Variants in TAF4 observed in about 807,000 individuals in gnomAD.
TAF4 encodes the protein transcription initiation factor TFIID subunit 4.
TAF4 carries 9 observed loss-of-function variants against 90.3 expected under a neutral mutation model. The ratio of observed to expected loss-of-function variants is 0.10; its 90% CI spans 0.06 to 0.17. TAF4 has a LOEUF of 0.17. Among genes scored for constraint, TAF4 ranks in the 10% least tolerant of loss-of-function variants. The pLI is 1.00. For synonymous variants in TAF4, 818 were observed against 638.9 expected, an observed-to-expected ratio of 1.28 and a Z score of -4.23; for missense variants, 1,351 against 1,370.7, an observed-to-expected ratio of 0.99 and a Z score of 0.23.
intron 14 of TAF4, 34 bp from the exon 15 acceptor site, chr20:61,976,369 T>A (rs146372654): frequency 4.4e-6 from 7 of 1,609,128 alleles, no homozygotes; most frequent in Non-Finnish European, 5.1e-6. Flanking sequence ...AGTGTGTTAG[T>A]GGGGCTCAGA....
chr20:61,987,945 T>C (rs1479870390), intron 14 of TAF4, among the ~76,000 whole-genome samples: 1 of 152,172 alleles, frequency 6.6e-6, no homozygotes, highest in Non-Finnish European at 1.5e-5. Context: ...CTCAGGTGGA[T>C]ATTCCTAAAT....
At chr20:62,055,851 T>C (rs1048786641) in intron 1 of TAF4, among the ~76,000 whole-genome samples, 2 of 152,160 alleles carry the variant, frequency 1.3e-5, no homozygotes, top group Non-Finnish European at 2.9e-5. Context: ...GGACACACCA[T>C]GAAAGCAGGG....
intron 5 of TAF4, 29 bp downstream of exon 5, chr20:62,009,020 GGGA>G: frequency 6.2e-7 from 1 of 1,605,440 alleles, no homozygotes. Flanking sequence ...CAGGCTTTAG[GGGA>G]AAGGGAATGT....
chr20:62,018,357 G>A (rs2055824345), intron 1 of TAF4, among the ~76,000 whole-genome samples: 1 of 152,204 alleles, frequency 6.6e-6, no homozygotes, highest in Non-Finnish European at 1.5e-5. Flanking sequence ...ACAGTTCTGG[G>A]TCCTGTGAGC....
intron 12 of TAF4, 147 bp downstream of exon 12, chr20:61,998,836 G>C (rs2055679813): frequency 9.7e-7 from 1 of 1,030,462 alleles, no homozygotes; most frequent in Non-Finnish European, 1.4e-6. Flanking sequence ...TCTCTTTGCA[G>C]CTCCACTGAC....
At chr20:62,042,167 TGACGA>T (rs1280812412) in intron 1 of TAF4, among the ~76,000 whole-genome samples, 4 of 152,072 alleles carry the variant, frequency 2.6e-5, no homozygotes, top group Admixed American at 1.3e-4. Flanking sequence ...CAAGCTCCAC[TGACGA>T]GAGCAAAGTG....
chr20:62,016,737 T>G (rs2055814192), intron 1 of TAF4, among the ~76,000 whole-genome samples: 1 of 152,188 alleles, frequency 6.6e-6, no homozygotes, highest in Admixed American at 6.5e-5. Context: ...CTTCATAGAT[T>G]CATCTCTCCT....
rs1403201782 is a variant in TAF4 at position 61,997,577 on chromosome 20, G to A, written c.3063C>T (p.Asp1021=). ...AIGPRKKRKV[D]CPGPGSGAEG... ...CTGCTCCTGAGCCCGGCCCCGGACA[G>A]TCCACTTTCCTCTTTTTCCTGGGCC... Residue 1021 remains aspartate (D), a synonymous_variant, in exon 14 of 15, where the codon GAC becomes GAT. Coordinates refer to ENST00000252996, the MANE Select transcript of TAF4 (RefSeq NM_003185.4). The A allele has an allele frequency of 6.2e-7, 1 of 1,613,500 alleles. No individual in the cohort carries two copies. The highest frequency in any genetic ancestry group is 2.2e-5 in the East Asian group (1 of 44,818).
chr20:62,033,517 A>T (rs1270330788), intron 1 of TAF4, among the ~76,000 whole-genome samples: 1 of 152,180 alleles, frequency 6.6e-6, no homozygotes, highest in African/African-American at 2.4e-5. Flanking sequence ...CAGGCAGGTC[A>T]CTTGAGGTAA....
At position 62,003,851 on chromosome 20, in the gene TAF4, C is replaced by G; in HGVS notation, c.2251G>C (p.Ala751Pro). The change falls in exon 8 of 15, where the codon GCC (alanine) becomes CCC (proline). Residue 751 changes from alanine to proline, a missense_variant. Ala to Pro is a conservative substitution (Grantham distance 27). This residue lies in a region of TAF4 where 202 missense variants were observed against 229.7 expected (regional missense o/e 0.88). Coordinates refer to ENST00000252996, the MANE Select transcript of TAF4 (RefSeq NM_003185.4). The part of the protein sequence containing the change: ...LVIQQPPKPG[A>P]LIRPPQVTLT... Reference sequence around the variant, plus strand: ...GTCACCTGCGGGGGCCGGATCAGGGCTCCTGGCTTCGGAGGCTGCTGGATG... The same window carrying G: ...GTCACCTGCGGGGGCCGGATCAGGGGTCCTGGCTTCGGAGGCTGCTGGATG... The G allele has an allele frequency of 1.3e-6, 2 of 1,584,474 alleles. No homozygotes were observed. Among genetic ancestry groups the G allele is most frequent in the Non-Finnish European group, 1.7e-6 (2 of 1,167,508 alleles).
Position 62,065,320 on chromosome 20 carries a change from G to T in TAF4, c.491C>A (p.Ala164Asp). Residue 164 changes from alanine to aspartate, a missense_variant, in exon 1 of 15, where the codon GCC (alanine) becomes GAC (aspartate). Transcript: ENST00000252996. ...PAGPAKPAGPAALAARAGPGP... is the reference protein window; with the variant it reads ...PAGPAKPAGPDALAARAGPGP... The stretch of plus-strand genomic sequence containing the variant: ...GGGGCCGGCGCGGGCGGCCAGCGCG[G>T]CGGGGCCGGCGGGCTTGGCGGGGCC... The T allele has an allele frequency of 1.1e-6, 1 of 939,918 alleles. No homozygotes were observed. Among genetic ancestry groups the T allele is most frequent in the Non-Finnish European group, 1.3e-6 (1 of 796,068 alleles). The allele number at this position is 939,918 out of a possible 1,614,324, so 58.2% of individuals were successfully genotyped here.
At chr20:62,002,161 G>GT (rs1600836963) in intron 9 of TAF4, among the ~76,000 whole-genome samples, 1 of 152,178 alleles carries the variant, frequency 6.6e-6, no homozygotes, top group Non-Finnish European at 1.5e-5. Flanking sequence ...TTTCACCCGT[G>GT]TATGTCCCTA....
chr20:62,059,172 A>G (rs1448983525), intron 1 of TAF4, among the ~76,000 whole-genome samples: 4 of 152,322 alleles, frequency 2.6e-5, no homozygotes, highest in East Asian at 1.9e-4. Flanking sequence ...CATCCTGCAC[A>G]CTGCAGCATG....
intron 1 of TAF4, among the ~76,000 whole-genome samples, chr20:62,038,985 G>A (rs544417349): frequency 6.6e-5 from 10 of 152,282 alleles, no homozygotes; most frequent in African/African-American, 1.9e-4. Flanking sequence ...CCCGGGAGTC[G>A]GAGCTTGCAG....
chr20:62,002,465 T>G (rs1304194072), intron 9 of TAF4, among the ~76,000 whole-genome samples: 2 of 152,184 alleles, frequency 1.3e-5, no homozygotes, highest in Non-Finnish European at 2.9e-5. Flanking sequence ...TCAGACCACC[T>G]GCTTTCCAGG....
intron 1 of TAF4, 166 bp downstream of exon 1, chr20:62,064,285 C>T: frequency 5.3e-6 from 4 of 756,146 alleles, no homozygotes; most frequent in Non-Finnish European, 5.5e-6. Flanking sequence ...CGCAGACAGC[C>T]ACCCGGGCTG....
Position 62,002,936 on chromosome 20 carries a change from C to T in TAF4, c.2486+224G>A, listed in dbSNP as rs28382090. ...TTCATATAAAAATAATCAGTTGATT[C>T]GCTTTCTGGCTATGTGTATGAAGCA... On this transcript the variant is annotated intron_variant, in intron 9 of 14. Transcript: ENST00000252996. Among the ~76,000 whole-genome samples, 573 of 152,286 alleles carry T rather than the reference C, an allele frequency of 3.8e-3. 1 individual carries two copies. Among genetic ancestry groups the T allele is most frequent in the African/African-American group, 0.013 (536 of 41,550 alleles).
chr20:61,983,986 A>G lies in TAF4; in HGVS notation c.3091-7651T>C, dbSNP rs562587652. Among the ~76,000 whole-genome samples, 4 of 152,346 alleles carry G rather than the reference A, an allele frequency of 2.6e-5. No homozygotes were observed. In the South Asian group the frequency reaches 8.3e-4, roughly 32 times the overall value. ...CTGCCAATGAAGATATGACACGTGG[A>G]TATTTATGCACCAAACAACACAGCA... On this transcript the variant is annotated intron_variant, in intron 14 of 14. Coordinates refer to ENST00000252996, the MANE Select transcript of TAF4 (RefSeq NM_003185.4).
At chr20:62,022,580 G>C (rs920351208) in intron 1 of TAF4, among the ~76,000 whole-genome samples, 2 of 152,206 alleles carry the variant, frequency 1.3e-5, no homozygotes, top group South Asian at 2.1e-4. Context: ...CCCAGATGTG[G>C]AAAGGGCCCC....
Sources: allele counts gnomAD v4.1 joint callset (sites outside exome capture counted in the v4.1 genomes callset), GRCh38; gene constraint gnomAD v4.1.1; regional missense constraint gnomAD v4.1.1; transcripts MANE v1.5; gene names NCBI Gene and HGNC (gene_info 2026-07-23, HGNC 2026-07-21).